SULT6B1: variants seen among roughly 807,000 people sequenced by gnomAD.
SULT6B1 encodes sulfotransferase family 6B member 1, also known as sulfotransferase 6B1.
A neutral mutation model predicts 37.2 loss-of-function variants in SULT6B1; 44 were observed. The ratio of observed to expected loss-of-function variants is 1.18; its 90% confidence interval spans 0.93 to 1.52. The LOEUF (loss-of-function observed/expected upper bound fraction) is 1.52. SULT6B1 is among the 40% of genes most tolerant of loss of function. The pLI is 0.00. For synonymous variants in SULT6B1, 140 were observed against 126.0 expected (o/e 1.11, Z -0.74); for missense variants, 450 against 361.0 (o/e 1.25, Z -2.00).
chr2:37,167,887 T>C lies in SULT6B1; in HGVS notation c.*48A>G. On this transcript the variant is annotated 3_prime_UTR_variant, in exon 7 of 7. Transcript: ENST00000535679. ...GAATTATCATTTAATTATTTACACT[T>C]AATTATTATTAAGGAAAATAAATCT... 6.7e-7 allele frequency: 1 copy of C among 1,483,586 alleles called. No individual in the cohort carries two copies. The highest frequency in any genetic ancestry group is 9.0e-7 in the Non-Finnish European group (1 of 1,115,412). 91.9% of individuals were successfully genotyped at this position (1,483,586 alleles called of 1,614,324 possible).
intron 5 of SULT6B1, among the ~76,000 whole-genome samples, chr2:37,171,890 A>G (rs1558444272): frequency 6.6e-6 from 1 of 152,146 alleles, no homozygotes; most frequent in African/African-American, 2.4e-5. Context: ...TTTATCTAGG[A>G]TGATATCATT....
intron 3 of SULT6B1, among the ~76,000 whole-genome samples, chr2:37,180,550 G>T (rs1197207035): frequency 5.3e-5 from 8 of 152,178 alleles, no homozygotes; most frequent in African/African-American, 9.7e-5. Flanking sequence ...TACAGAAAAA[G>T]TAAGAATGTA....
chr2:37,187,088 A>G (rs547493548), intron 2 of SULT6B1, among the ~76,000 whole-genome samples: 9 of 152,306 alleles, frequency 5.9e-5, no homozygotes, highest in Middle Eastern at 6.8e-3. Context: ...AAACTGGAAA[A>G]CTTGGGTTCA....
chr2:37,193,919 AG>A (rs1454431632), intron 1 of SULT6B1, among the ~76,000 whole-genome samples: 1 of 152,156 alleles, frequency 6.6e-6, no homozygotes, highest in African/African-American at 2.4e-5. Context: ...CCTTGGTAAA[AG>A]TTTCTACTGG....
intron 2 of SULT6B1, among the ~76,000 whole-genome samples, chr2:37,185,628 G>T (rs1490771630): frequency 1.4e-5 from 2 of 146,956 alleles, no homozygotes; most frequent in East Asian, 4.0e-4. Context: ...TGAGGCAGGA[G>T]AATTGCTTGA....
intron 4 of SULT6B1, among the ~76,000 whole-genome samples, chr2:37,178,834 C>A (rs533161549): frequency 6.6e-6 from 1 of 152,298 alleles, no homozygotes; most frequent in African/African-American, 2.4e-5. Context: ...TACATAGTGA[C>A]AAGGAAGTTC....
At chr2:37,169,877 G>T (rs1297783856) in intron 6 of SULT6B1, among the ~76,000 whole-genome samples, 1 of 152,084 alleles carries the variant, frequency 6.6e-6, no homozygotes, top group African/African-American at 2.4e-5. Flanking sequence ...AGCTGTTGTT[G>T]TCCTTGCTGG....
At chr2:37,189,533 T>C (rs1376035285), upstream of SULT6B1, among the ~76,000 whole-genome samples, 1 of 152,188 alleles carries the variant, frequency 6.6e-6, no homozygotes, top group Non-Finnish European at 1.5e-5. Context: ...CTCACACCAC[T>C]TTCCCATGAT....
chr2:37,173,665 C>T (rs1173110344), intron 5 of SULT6B1, among the ~76,000 whole-genome samples: 1 of 152,194 alleles, frequency 6.6e-6, no homozygotes, highest in African/African-American at 2.4e-5. Flanking sequence ...TGGAGGCTTA[C>T]TTGACTTCTC....
chr2:37,187,865 GA>G (rs79919609), intron 1 of SULT6B1, among the ~76,000 whole-genome samples: 22,057 of 151,948 alleles, frequency 0.15, 1,695 homozygotes, highest in South Asian at 0.23. Flanking sequence ...CATCAGTTAA[GA>G]AAAAAAGATA....
intron 1 of SULT6B1, among the ~76,000 whole-genome samples, chr2:37,187,852 C>A (rs1676707068): frequency 6.7e-6 from 1 of 150,116 alleles, no homozygotes; most frequent in African/African-American, 2.4e-5. Context: ...TATGAAAACA[C>A]AGCATCAGTT....
chr2:37,182,619 G>A (rs1212775601), intron 3 of SULT6B1, among the ~76,000 whole-genome samples: 2 of 152,168 alleles, frequency 1.3e-5, no homozygotes, highest in South Asian at 2.1e-4. Flanking sequence ...GTGAGTCACC[G>A]CACCCTGCAG....
intron 6 of SULT6B1, among the ~76,000 whole-genome samples, chr2:37,169,334 AG>A (rs1171424022): frequency 6.6e-6 from 1 of 152,216 alleles, no homozygotes; most frequent in Non-Finnish European, 1.5e-5. Context: ...CATTTGAAAA[AG>A]TACAGTAGAG....
At chr2:37,191,616 G>GT (rs1325307135), upstream of SULT6B1, among the ~76,000 whole-genome samples, 1 of 152,236 alleles carries the variant, frequency 6.6e-6, no homozygotes, top group Non-Finnish European at 1.5e-5. Flanking sequence ...AAACCAAAGA[G>GT]TGAGAAGGGC....
intron 5 of SULT6B1, among the ~76,000 whole-genome samples, chr2:37,172,536 T>C (rs907107022): frequency 1.3e-5 from 2 of 152,058 alleles, no homozygotes; most frequent in African/African-American, 4.8e-5. Context: ...AGACGGAGTT[T>C]CTCTCTTGTT....
At chr2:37,175,083 G>A (rs754193386) in intron 5 of SULT6B1, 49 bp downstream of exon 5, 77 of 1,126,760 alleles carry the variant, frequency 6.8e-5, no homozygotes, top group African/African-American at 1.4e-4. Context: ...AGTGCTCTAC[G>A]TTGTAGTTTA....
intron 5 of SULT6B1, among the ~76,000 whole-genome samples, chr2:37,172,673 A>G (rs1364186990): frequency 3.3e-5 from 5 of 151,310 alleles, no homozygotes; most frequent in Non-Finnish European, 5.9e-5. Flanking sequence ...ACGCCTGGCT[A>G]ATTTTTGTAT....
chr2:37,182,855 G>T (rs1432951461), intron 3 of SULT6B1, among the ~76,000 whole-genome samples: 1 of 152,188 alleles, frequency 6.6e-6, no homozygotes, highest in Non-Finnish European at 1.5e-5. Context: ...TATGCATGCT[G>T]TGAAGTTTGT....
At chr2:37,174,455 C>G (rs989268347) in intron 5 of SULT6B1, among the ~76,000 whole-genome samples, 13 of 151,942 alleles carry the variant, frequency 8.6e-5, no homozygotes, top group African/African-American at 2.9e-4. Context: ...GCCTCAGCCT[C>G]TCAAAGTGTT....
Sources: allele counts gnomAD v4.1 joint callset (sites outside exome capture counted in the v4.1 genomes callset), GRCh38; gene constraint gnomAD v4.1.1; transcripts MANE v1.5; gene names NCBI Gene and HGNC (gene_info 2026-07-23, HGNC 2026-07-21).